Variants in YWHAE observed in about 807,000 individuals in gnomAD.
The protein encoded by YWHAE is 14-3-3 protein epsilon.
YWHAE carries 4 observed loss-of-function variants against 30.1 expected under a neutral mutation model. The ratio of observed to expected loss-of-function variants is 0.13; its 90% CI spans 0.07 to 0.30. The LOEUF (loss-of-function observed/expected upper bound fraction) is 0.30, where lower values mean the gene tolerates loss of function less well. YWHAE is among the 10% of genes least tolerant of loss of function. The pLI, the probability that YWHAE is intolerant of heterozygous loss-of-function variation, is 1.00. For missense variants in YWHAE, 121 were observed against 315.9 expected (o/e 0.38, Z 4.68); for synonymous variants, 118 against 111.8 (o/e 1.06, Z -0.35).
At chr17:1,374,959 C>T (rs931893059) in intron 1 of YWHAE, among the ~76,000 whole-genome samples, 18 of 152,102 alleles carry the variant, frequency 1.2e-4, no homozygotes, top group African/African-American at 3.4e-4. Flanking sequence ...GACTGTATGT[C>T]GTGCAGTGGC....
At chr17:1,384,072 G>A (rs533602243) in intron 1 of YWHAE, among the ~76,000 whole-genome samples, 1 of 152,228 alleles carries the variant, frequency 6.6e-6, no homozygotes, top group South Asian at 2.1e-4. Context: ...CACGCGTTAA[G>A]CAGGTGCCTG....
intron 1 of YWHAE, among the ~76,000 whole-genome samples, chr17:1,376,156 CAGATTTGAATATTTATTTGA>C (rs1567974283): frequency 6.6e-6 from 1 of 152,164 alleles, no homozygotes; most frequent in Non-Finnish European, 1.5e-5. Context: ...CATATTGCCT[CAGATTTGAATATTTATTTGA>C]ATGCATCTGT....
chr17:1,389,401 A>G (rs1403955247), intron 1 of YWHAE, among the ~76,000 whole-genome samples: 1 of 152,164 alleles, frequency 6.6e-6, no homozygotes, highest in Non-Finnish European at 1.5e-5. Context: ...ATCAAAACCC[A>G]TTCACTGTCC....
At chr17:1,398,699 T>C (rs535761412) in intron 1 of YWHAE, 1 of 152,250 alleles carries the variant, frequency 6.6e-6, no homozygotes, top group Non-Finnish European at 1.5e-5. Context: ...ATCGCACAAT[T>C]ATAAATGTGT....
intron 1 of YWHAE, chr17:1,399,814 C>T: frequency 6.8e-6 from 4 of 590,930 alleles, no homozygotes; most frequent in Admixed American, 3.0e-5. Context: ...ACCCCGTCGC[C>T]CCGGCCTCCC....
intron 5 of YWHAE, among the ~76,000 whole-genome samples, chr17:1,346,562 T>C (rs2072519683): frequency 6.6e-6 from 1 of 152,234 alleles, no homozygotes; most frequent in Non-Finnish European, 1.5e-5. Context: ...GATCTCAAAA[T>C]GACAAATGTC....
chr17:1,366,743 G>C (rs1048472845), intron 1 of YWHAE, among the ~76,000 whole-genome samples: 1 of 152,016 alleles, frequency 6.6e-6, no homozygotes, highest in African/African-American at 2.4e-5. Context: ...AGGAGTTCGA[G>C]ACCAGCCTGG....
At chr17:1,353,175 G>A (rs1470310200) in intron 5 of YWHAE, among the ~76,000 whole-genome samples, 1 of 152,020 alleles carries the variant, frequency 6.6e-6, no homozygotes, top group Non-Finnish European at 1.5e-5. Flanking sequence ...ACGGTGGCTT[G>A]CGCCTGTAAT....
chr17:1,355,139 AAAAAAAAAATTTTTTTTTTT>A (rs2072716157), intron 4 of YWHAE, among the ~76,000 whole-genome samples: 4 of 108,546 alleles, frequency 3.7e-5, no homozygotes, highest in Non-Finnish European at 5.7e-5. Context: ...AAAAAAAAAA[AAAAAAAAAATTTTTTTTTTT>A]TTTTTTTTTT....
At chr17:1,363,046 G>T (rs1266905798) in intron 2 of YWHAE, among the ~76,000 whole-genome samples, 2 of 151,998 alleles carry the variant, frequency 1.3e-5, no homozygotes, top group Non-Finnish European at 2.9e-5. Context: ...CAATACCTGA[G>T]ATCACACCAA....
chr17:1,348,469 C>T (rs958538044), intron 5 of YWHAE, among the ~76,000 whole-genome samples: 6 of 152,072 alleles, frequency 3.9e-5, no homozygotes, highest in Non-Finnish European at 5.9e-5. Flanking sequence ...ACATAAATAC[C>T]GTCTCTTTAA....
intron 1 of YWHAE, among the ~76,000 whole-genome samples, chr17:1,368,563 CAAAA>C (rs11285222): frequency 1.1e-4 from 11 of 102,398 alleles, no homozygotes; most frequent in Admixed American, 1.0e-4. Context: ...GACTCTGTCT[CAAAA>C]AAAAAAAAAA....
At chr17:1,356,215 C>CACACACACACACACA (rs1320076580) in intron 4 of YWHAE, among the ~76,000 whole-genome samples, 1 of 135,652 alleles carries the variant, frequency 7.4e-6, no homozygotes, top group African/African-American at 2.8e-5. Context: ...CACACACACA[C>CACACACACACACACA]AAAATTAGCC....
chr17:1,371,989 C>T (rs1231388512), intron 1 of YWHAE, among the ~76,000 whole-genome samples: 2 of 152,136 alleles, frequency 1.3e-5, no homozygotes, highest in African/African-American at 2.4e-5. Flanking sequence ...CAGGCGTCTG[C>T]CACCACGCCC....
At chr17:1,375,004 G>A (rs936097832) in intron 1 of YWHAE, among the ~76,000 whole-genome samples, 3 of 152,084 alleles carry the variant, frequency 2.0e-5, no homozygotes, top group Admixed American at 2.0e-4. Flanking sequence ...GCACTATGTA[G>A]CCTTAAACTC....
intron 2 of YWHAE, among the ~76,000 whole-genome samples, chr17:1,363,868 C>T (rs1238976480): frequency 4.1e-5 from 6 of 147,644 alleles, no homozygotes; most frequent in Admixed American, 2.1e-4. Flanking sequence ...CTACTAGAAT[C>T]GGTTACTCAA....
intron 5 of YWHAE, among the ~76,000 whole-genome samples, chr17:1,349,036 GA>G (rs918574800): frequency 8.8e-4 from 116 of 132,082 alleles, no homozygotes; most frequent in South Asian, 1.5e-3. Context: ...ACGAAAAAAG[GA>G]AAAAAAAAAA....
chr17:1,395,617 G>C (rs571370687), intron 1 of YWHAE, among the ~76,000 whole-genome samples: 32 of 152,144 alleles, frequency 2.1e-4, no homozygotes, highest in African/African-American at 7.7e-4. Flanking sequence ...TCCATTAACT[G>C]AAACGGCAAT....
intron 1 of YWHAE, among the ~76,000 whole-genome samples, chr17:1,383,306 C>A (rs936316748): frequency 6.6e-6 from 1 of 151,302 alleles, no homozygotes; most frequent in Non-Finnish European, 1.5e-5. Context: ...GCTGAGATCG[C>A]GCGATTGCAC....
Sources: allele counts gnomAD v4.1 joint callset (sites outside exome capture counted in the v4.1 genomes callset), GRCh38; gene constraint gnomAD v4.1.1; transcripts MANE v1.5; gene names NCBI Gene and HGNC (gene_info 2026-07-23, HGNC 2026-07-21).